The following ASB17 variants were observed in gnomAD, a reference collection of about 807,000 sequenced individuals.
The protein encoded by ASB17 is ankyrin repeat and SOCS box containing 17, also known as ankyrin repeat and SOCS box protein 17.
ASB17 carries 26 observed loss-of-function variants against 25.7 expected under a neutral mutation model. That is an observed-to-expected ratio of 1.01 (90% CI 0.74 to 1.40). The LOEUF is 1.40. ASB17 is among the 40% of genes most tolerant of loss of function. ASB17 has a pLI of 0.00. For synonymous variants in ASB17, 128 were observed against 121.4 expected (o/e 1.05, Z -0.36); for missense variants, 326 against 338.5 (o/e 0.96, Z 0.29).
intron 1 of ASB17, among the ~76,000 whole-genome samples, chr1:75,923,087 A>G (rs955221037): frequency 2.0e-5 from 3 of 152,166 alleles, no homozygotes; most frequent in Non-Finnish European, 2.9e-5. Context: ...GATCATTTGC[A>G]TATCTTTTTG....
chr1:75,924,537 C>A lies in ASB17; in HGVS notation c.402-2178G>T, dbSNP rs554916928. On this transcript the variant is annotated intron_variant, in intron 1 of 2. Transcript: ENST00000284142. Reference sequence around the variant, plus strand: ...ACATACATATATGTATATATATACACACACATACACATATAGAAAGAGAAA... The same window carrying A: ...ACATACATATATGTATATATATACAAACACATACACATATAGAAAGAGAAA... Among the ~76,000 whole-genome samples the A allele has an allele frequency of 1.0e-3, 154 of 152,120 alleles. 1 individual carries two copies. Among genetic ancestry groups the A allele is most frequent in the Middle Eastern group, 3.4e-3 (1 of 294 alleles).
intron 2 of ASB17, among the ~76,000 whole-genome samples, 159 bp downstream of exon 2, chr1:75,921,917 CTGTT>C (rs1476674313): frequency 2.6e-5 from 4 of 152,008 alleles, no homozygotes; most frequent in South Asian, 2.1e-4. Context: ...AAGTAAAGGA[CTGTT>C]TGAGATTTTC....
intron 1 of ASB17, among the ~76,000 whole-genome samples, chr1:75,924,493 AC>A (rs1653116437): frequency 4.0e-5 from 6 of 151,536 alleles, no homozygotes; most frequent in Non-Finnish European, 7.4e-5. Context: ...TTTTGTCATA[AC>A]TCTGTCACTG....
In ASB17 at chr1:75,931,993, C is replaced by G; in HGVS notation, c.299G>C (p.Trp100Ser). 6.2e-6 allele frequency: 10 copies of G among 1,614,024 alleles called. No individual in the cohort carries two copies. The highest frequency in any genetic ancestry group is 8.5e-6 in the Non-Finnish European group (10 of 1,179,968). ...TEICVNTILY[W>S]VFARKGNPDF... ...AGGATTACCTTTTCTGGCAAAAACCCAGTACAGAATTGTATTCACACATAT... is the reference window on the plus strand; with the variant it reads ...AGGATTACCTTTTCTGGCAAAAACCGAGTACAGAATTGTATTCACACATAT... The change falls in exon 1 of 3, where the codon TGG becomes TCG. Residue 100 changes from tryptophan (W) to serine (S), a missense_variant. Physicochemically the swap from Trp to Ser is radical, Grantham distance 177. Transcript: ENST00000284142.
intron 2 of ASB17, among the ~76,000 whole-genome samples, chr1:75,919,869 C>A (rs1652982637): frequency 2.6e-5 from 4 of 152,250 alleles, no homozygotes; most frequent in Middle Eastern, 3.4e-3. Flanking sequence ...GTCTTTATAG[C>A]AGCATGATTT....
chr1:75,929,263 C>T (rs886891896), intron 1 of ASB17, among the ~76,000 whole-genome samples: 5 of 151,506 alleles, frequency 3.3e-5, no homozygotes, highest in African/African-American at 4.9e-5. Context: ...CTCGCTCTGT[C>T]GCCCAGGTTG....
chr1:75,921,341 T>A (rs1653022439), intron 2 of ASB17, among the ~76,000 whole-genome samples: 1 of 152,080 alleles, frequency 6.6e-6, no homozygotes. Context: ...CTCTTATGAG[T>A]TTATTTCTGA....
At chr1:75,930,717 T>C (rs1653301384) in intron 1 of ASB17, among the ~76,000 whole-genome samples, 1 of 152,280 alleles carries the variant, frequency 6.6e-6, no homozygotes, top group African/African-American at 2.4e-5. Context: ...TCATTTTCTG[T>C]CCAGCTTTCT....
chr1:75,919,023 T>C lies in ASB17; in HGVS notation c.817A>G (p.Met273Val). ...AGTGAAAATATTCCATCTGGGAGCA[T>C]ATTGTTGGTTAATAGTTGATTCCTG... ...TIRNQLLTNN[M>V]LPDGIFSLLI... Residue 273 changes from methionine (M) to valine (V), a missense_variant, in exon 3 of 3, where the codon ATG becomes GTG. Transcript: ENST00000284142. 1 of 1,612,750 alleles carries C rather than the reference T, an allele frequency of 6.2e-7. No homozygotes were observed. The highest frequency in any genetic ancestry group is 8.5e-7 in the Non-Finnish European group (1 of 1,178,984).
chr1:75,930,471 A>G (rs941922393), intron 1 of ASB17, among the ~76,000 whole-genome samples: 6 of 151,720 alleles, frequency 4.0e-5, no homozygotes, highest in Non-Finnish European at 8.8e-5. Flanking sequence ...AGAAGAGACC[A>G]GTGAGCATCG....
chr1:75,927,655 CT>C (rs1334934076), intron 1 of ASB17, among the ~76,000 whole-genome samples: 5 of 152,024 alleles, frequency 3.3e-5, no homozygotes, highest in South Asian at 2.1e-4. Flanking sequence ...AACCACCCCC[CT>C]TTAAAAAAAT....
At chr1:75,921,966 A>G in intron 2 of ASB17, 114 bp downstream of exon 2, 1 of 892,292 alleles carries the variant, frequency 1.1e-6, no homozygotes, top group South Asian at 1.9e-5. Context: ...ATACTCAATG[A>G]TCTGTCACTG....
chr1:75,932,275 T>G lies in ASB17; in HGVS notation c.17A>C (p.Lys6Thr). The change falls in exon 1 of 3, where the codon AAA becomes ACA. Residue 6 changes from lysine to threonine, a missense_variant. Physicochemically the swap from Lys to Thr is moderately conservative, Grantham distance 78 (BLOSUM62 -1). Transcript: ENST00000284142. MSKST[K>T]LCGKTSCPRS... is the part of the protein sequence containing the mutation. ...TGGACAAGAAGTCTTACCACATAAT[T>G]TAGTAGATTTACTCATTGTTACTTA... 1 of 1,608,486 alleles carries G rather than the reference T, an allele frequency of 6.2e-7. No individual in the cohort carries two copies. The highest frequency in any genetic ancestry group is 8.5e-7 in the Non-Finnish European group (1 of 1,177,166).
chr1:75,930,974 C>T (rs949358758), intron 1 of ASB17, among the ~76,000 whole-genome samples: 2 of 152,120 alleles, frequency 1.3e-5, no homozygotes, highest in African/African-American at 2.4e-5. Context: ...AGTTCATGTA[C>T]TTTAGTAATC....
Position 75,919,159 on chromosome 1 carries a change from C to G in ASB17, c.682-1G>C. On this transcript the variant is annotated splice_acceptor_variant, in intron 2 of 2. Transcript: ENST00000284142. LOFTEE classifies it high-confidence loss of function. ...GATGTCTTCCTAAACTCAGCTGTGT[C>G]TGAAGAAAAGCAAAATATTTTACTT... is the stretch of plus-strand genomic sequence containing the variant. 6.2e-7 allele frequency: 1 copy of G among 1,602,626 alleles called. No individual in the cohort carries two copies.
chr1:75,922,055 A>AT (rs767685332), intron 2 of ASB17, 25 bp downstream of exon 2: 15 of 1,560,848 alleles, frequency 9.6e-6, no homozygotes, highest in South Asian at 5.9e-5. Flanking sequence ...ATTTGAGCCC[A>AT]TTTTTTTTAA....
intron 2 of ASB17, 78 bp from the exon 3 acceptor site, chr1:75,919,236 ATT>A: frequency 9.8e-7 from 1 of 1,018,328 alleles, no homozygotes; most frequent in Non-Finnish European, 1.4e-6. Context: ...CTTATTTTTA[ATT>A]TAAATTTAGA....
At chr1:75,921,755 G>A (rs1249213732) in intron 2 of ASB17, among the ~76,000 whole-genome samples, 3 of 152,102 alleles carry the variant, frequency 2.0e-5, no homozygotes, top group Non-Finnish European at 2.9e-5. Flanking sequence ...TGTTGGAAAG[G>A]AAGTCTGTTA....
chr1:75,920,824 G>C (rs537129028), intron 2 of ASB17, among the ~76,000 whole-genome samples: 1 of 152,150 alleles, frequency 6.6e-6, no homozygotes, highest in Non-Finnish European at 1.5e-5. Context: ...GCCCAGGCCA[G>C]AGTGCAGTGG....
Sources: allele counts gnomAD v4.1 joint callset (sites outside exome capture counted in the v4.1 genomes callset), GRCh38; gene constraint gnomAD v4.1.1; transcripts MANE v1.5; gene names NCBI Gene and HGNC (gene_info 2026-07-23, HGNC 2026-07-21).